ACOT9: variants seen among roughly 807,000 people sequenced by gnomAD.
ACOT9 encodes the protein acyl-coenzyme A thioesterase 9, mitochondrial.
In ACOT9, 34 loss-of-function variants were observed where a neutral mutation model predicts 39.7. The ratio of observed to expected loss-of-function variants is 0.86; its 90% CI spans 0.65 to 1.14. The LOEUF is 1.14. Ranked by LOEUF, ACOT9 falls within the 50% of genes most tolerant of loss-of-function variation. The pLI, the probability that ACOT9 is intolerant of heterozygous loss-of-function variation, is 0.00. For missense variants in ACOT9, 313 were observed against 344.1 expected (o/e 0.91, Z 0.71); for synonymous variants, 110 against 120.5 (o/e 0.91, Z 0.57).
Position 23,722,828 on chromosome X carries a change from G to T in ACOT9, c.401-75C>A, listed in dbSNP as rs978952747. 6.6e-5 allele frequency: 44 copies of T among 667,732 alleles called. No individual in the cohort carries two copies. In the Middle Eastern group the frequency reaches 9.4e-4, roughly 14 times the overall value. 55.0% of individuals were successfully genotyped at this position (667,732 alleles called of 1,213,427 possible). On this transcript the variant is annotated intron_variant, in intron 6 of 15. Transcript: ENST00000379303. ...CCAACATTTAAAATTTCCTCCCTGAGATCCATGAAAAGCCTTGTCTCGCTT... is the reference window on the plus strand; with the variant it reads ...CCAACATTTAAAATTTCCTCCCTGATATCCATGAAAAGCCTTGTCTCGCTT...
Position 23,730,869 on chromosome X carries a change from C to G in ACOT9, c.309G>C (p.Leu103Phe). The G allele has an allele frequency of 1.7e-6, 2 of 1,210,886 alleles. No individual in the cohort carries two copies. Among genetic ancestry groups the G allele is most frequent in the Non-Finnish European group, 2.2e-6 (2 of 894,787 alleles). ...KDSYIEVLLP[L>F]GSEPELREKY... ...TCTCTCGTAATTCAGGCTCACTGCC[C>G]AAAGGCAAGAGAACTTCAATATAAC... Residue 103 changes from leucine (L) to phenylalanine (F), a missense_variant, in exon 5 of 16, where the codon TTG becomes TTC. By Grantham distance (22) the Leu-to-Phe change is conservative. Transcript: ENST00000379303.
chrX:23,740,717 TACACACACAC>T (rs67075682), intron 1 of ACOT9, among the ~76,000 whole-genome samples: 3,265 of 92,036 alleles, frequency 0.035, 60 homozygotes, highest in Middle Eastern at 0.065. Context: ...CCCCAATACA[TACACACACAC>T]ACACACACAC....
intron 6 of ACOT9, among the ~76,000 whole-genome samples, chrX:23,723,852 T>C (rs920378491): frequency 3.6e-5 from 4 of 111,666 alleles, no homozygotes; most frequent in Admixed American, 1.9e-4. Context: ...CTCCAACCTA[T>C]GGCAACAGGA....
intron 9 of ACOT9, among the ~76,000 whole-genome samples, chrX:23,712,217 T>C (rs371293284): frequency 0.011 from 404 of 35,273 alleles, 2 homozygotes; most frequent in African/African-American, 0.051. Context: ...CTGGGCAACA[T>C]AGTGAAACAC....
At chrX:23,741,921 C>G (rs1371912420) in intron 1 of ACOT9, among the ~76,000 whole-genome samples, 1 of 110,598 alleles carries the variant, frequency 9.0e-6, no homozygotes, top group Non-Finnish European at 1.9e-5. Flanking sequence ...GTGATCCATC[C>G]ACCTCAGCAT....
In ACOT9 at chrX:23,704,699, T is replaced by C; in HGVS notation, c.1253A>G (p.Tyr418Cys). ...KEVPLVFPKT[Y>C]GESMLYLDGQ... ...AAGCAATAATCACTACTTACCTCCA[T>C]ATGTTTTTGGGAAAACCAATGGCAC... Residue 418 changes from tyrosine (Y) to cysteine (C), a missense_variant, in exon 15 of 16, where the codon TAT becomes TGT. Coordinates refer to ENST00000379303, the MANE Select transcript of ACOT9 (RefSeq NM_001037171.2). The C allele has an allele frequency of 8.3e-7, 1 of 1,211,254 alleles. No individual in the cohort carries two copies. The highest frequency in any genetic ancestry group is 1.8e-5 in the South Asian group (1 of 56,929).
intron 10 of ACOT9, 163 bp downstream of exon 10, chrX:23,707,714 C>A (rs967662799): frequency 6.8e-5 from 24 of 352,737 alleles, no homozygotes; most frequent in Non-Finnish European, 1.0e-4. Flanking sequence ...TCCAGCCTGG[C>A]AAGAGACAGA....
chrX:23,728,466 T>C (rs1929615449), intron 6 of ACOT9, among the ~76,000 whole-genome samples: 1 of 110,659 alleles, frequency 9.0e-6, no homozygotes, highest in African/African-American at 3.3e-5. Flanking sequence ...TAAGTCAATA[T>C]ATTAAGGAGA....
chrX:23,706,271 C>T (rs1391177266), intron 11 of ACOT9, among the ~76,000 whole-genome samples: 1 of 95,690 alleles, frequency 1.0e-5, no homozygotes, highest in African/African-American at 4.0e-5. Context: ...ATCTCAAAAA[C>T]AAAAAAGGTC....
chrX:23,711,125 C>T (rs1009169912), intron 9 of ACOT9, among the ~76,000 whole-genome samples: 1 of 111,024 alleles, frequency 9.0e-6, no homozygotes, highest in Non-Finnish European at 1.9e-5. Context: ...TCGAGGCCAG[C>T]CTGGCCAACA....
intron 6 of ACOT9, among the ~76,000 whole-genome samples, chrX:23,727,625 A>C (rs1929580710): frequency 9.1e-6 from 1 of 109,958 alleles, no homozygotes. Flanking sequence ...GTGCCCAGCC[A>C]AGAATTTTTA....
chrX:23,719,040 C>T lies in ACOT9; in HGVS notation c.588+2841G>A, dbSNP rs765717968. On this transcript the variant is annotated intron_variant, in intron 8 of 15. Transcript: ENST00000379303. Reference sequence around the variant, plus strand: ...ATCCCAGCACTTTGGGAGGCGAGGGCGGGTGGATGGCTTGAGTCCAAGAGT... The same window carrying T: ...ATCCCAGCACTTTGGGAGGCGAGGGTGGGTGGATGGCTTGAGTCCAAGAGT... Among the ~76,000 whole-genome samples, 18 of 110,620 alleles carry T rather than the reference C, an allele frequency of 1.6e-4. No individual in the cohort carries two copies. In the East Asian group the frequency reaches 2.5e-3, roughly 16 times the overall value.
At position 23,701,700 on chromosome X, in the gene ACOT9, C is replaced by T. The variant is rs1928489188; in HGVS notation, c.*2194G>A. ...TTTCCCAGGCTGGTCTCAAGCGATC[C>T]TCCCATCTCAGTCTCCCAAAGTGCT... On this transcript the variant is annotated 3_prime_UTR_variant, in exon 16 of 16. Transcript: ENST00000379303. 9.0e-6 allele frequency among the ~76,000 whole-genome samples: 1 copy of T among 111,236 alleles called. No individual in the cohort carries two copies. Among genetic ancestry groups the T allele is most frequent in the Admixed American group, 9.5e-5 (1 of 10,505 alleles).
Position 23,704,735 on chromosome X carries a change from G to A in ACOT9, c.1217C>T (p.Ser406Leu), listed in dbSNP as rs1052010652. The A allele has an allele frequency of 4.1e-6, 5 of 1,209,493 alleles. No individual in the cohort carries two copies. Among genetic ancestry groups the A allele is most frequent in the Admixed American group, 2.2e-5 (1 of 45,613 alleles). Residue 406 changes from serine to leucine, a missense_variant, in exon 15 of 16, where the codon TCG (serine) becomes TTG (leucine). Physicochemically the swap from Ser to Leu is moderately radical, Grantham distance 145 (BLOSUM62 -2). Coordinates refer to ENST00000379303, the MANE Select transcript of ACOT9 (RefSeq NM_001037171.2). The stretch of plus-strand genomic sequence containing the variant: ...GAAAACCAATGGCACTTCTTTTTCC[G>A]ACATGAACGTGAAATGAAAGACATT... ...TTNVFHFTFM[S>L]EKEVPLVFPK... is the part of the protein sequence containing the mutation.
In ACOT9 at chrX:23,722,579, T is replaced by A. The variant is rs1262018105; in HGVS notation, c.484+91A>T. On this transcript the variant is annotated intron_variant, in intron 7 of 15. Transcript: ENST00000379303. ...AACTCCGTCTCAAAAAAAAAAAAAA[T>A]TCCCATAAAAGGAGAGTACGTCCTG... 63 of 521,445 alleles carry A rather than the reference T, an allele frequency of 1.2e-4. 1 individual carries two copies. In the African/African-American group the frequency reaches 1.4e-3, roughly 12 times the overall value. The allele number at this position is 521,445 out of a possible 1,213,427, so 43.0% of individuals were successfully genotyped here.
chrX:23,736,646 C>A (rs1039371416), intron 1 of ACOT9, among the ~76,000 whole-genome samples: 3 of 110,121 alleles, frequency 2.7e-5, no homozygotes, highest in Non-Finnish European at 3.8e-5. Context: ...TGGCAAAACC[C>A]CATCTCTACA....
chrX:23,703,800 C>G lies in ACOT9; in HGVS notation c.*94G>C, dbSNP rs944747965. On this transcript the variant is annotated 3_prime_UTR_variant, in exon 16 of 16. Transcript: ENST00000379303. Reference sequence around the variant, plus strand: ...ACATCCTCCTCCTGTGTGGAGGACACGAAGCAATACTAAAATCAATACACT... The same window carrying G: ...ACATCCTCCTCCTGTGTGGAGGACAGGAAGCAATACTAAAATCAATACACT... 2 of 714,666 alleles carry G rather than the reference C, an allele frequency of 2.8e-6. No individual in the cohort carries two copies. Among genetic ancestry groups the G allele is most frequent in the African/African-American group, 4.2e-5 (2 of 47,956 alleles). 58.9% of individuals were successfully genotyped at this position (714,666 alleles called of 1,213,427 possible). A position where few individuals can be genotyped will look rare whatever the true frequency, so the allele number is the denominator to read the frequency against.
At position 23,705,829 on chromosome X, in the gene ACOT9, G is replaced by A; in HGVS notation, c.872C>T (p.Pro291Leu). The change falls in exon 12 of 16, where the codon CCC becomes CTC. Residue 291 changes from proline to leucine, a missense_variant. Coordinates refer to ENST00000379303, the MANE Select transcript of ACOT9 (RefSeq NM_001037171.2). The stretch of plus-strand genomic sequence containing the variant: ...ATTCTCCATCCACACTGCATTAGAG[G>A]GTAAAACTCGACTCCGAAAACTTAT... ...KTISFRSRVL[P>L]SNAVWMENSK... 2 of 1,208,758 alleles carry A rather than the reference G, an allele frequency of 1.7e-6. No individual in the cohort carries two copies. The highest frequency in any genetic ancestry group is 2.2e-6 in the Non-Finnish European group (2 of 893,068).
In ACOT9 at chrX:23,730,911, A is replaced by G; in HGVS notation, c.267T>C (p.Pro89=). The change falls in exon 5 of 16, where the codon CCT becomes CCC. Residue 89 remains proline, a synonymous_variant. Transcript: ENST00000379303. Reference sequence around the variant, plus strand: ...CAATATAACTGTCCTTCATTCTCCTAGGAGGCAGTCCATCCTGTGATTTAG... The same window carrying G: ...CAATATAACTGTCCTTCATTCTCCTGGGAGGCAGTCCATCCTGTGATTTAG... ...FLAKSQDGLP[P]RRMKDSYIEV... is the part of the protein sequence containing the mutation. The G allele has an allele frequency of 8.3e-7, 1 of 1,210,583 alleles. No homozygotes were observed. Among genetic ancestry groups the G allele is most frequent in the Non-Finnish European group, 1.1e-6 (1 of 894,211 alleles).
Sources: allele counts gnomAD v4.1 joint callset (sites outside exome capture counted in the v4.1 genomes callset), GRCh38; gene constraint gnomAD v4.1.1; transcripts MANE v1.5; gene names NCBI Gene and HGNC (gene_info 2026-07-23, HGNC 2026-07-21).